Variants in MGLL observed in about 807,000 individuals in gnomAD.
The protein encoded by MGLL is lysophospholipase homolog.
In MGLL, 7 loss-of-function variants were observed where a neutral mutation model predicts 29.1. That is an observed-to-expected ratio of 0.24 (90% CI 0.14 to 0.45). The LOEUF (loss-of-function observed/expected upper bound fraction) is 0.45, where lower values mean the gene tolerates loss of function less well. Ranked by LOEUF, MGLL falls within the 20% of genes least tolerant of loss-of-function variation. The probability of loss-of-function intolerance (pLI) is 0.99; values close to 1 mark genes in which losing one functional copy is unlikely to be tolerated. For synonymous variants in MGLL, 148 were observed against 168.3 expected (o/e 0.88, Z 0.93); for missense variants, 356 against 413.6 (o/e 0.86, Z 1.21).
chr3:127,788,710 A>G (rs544708116), intron 2 of MGLL, among the ~76,000 whole-genome samples: 1 of 152,050 alleles, frequency 6.6e-6, no homozygotes, highest in African/African-American at 2.4e-5. Context: ...AGGTAGGCGC[A>G]CCCTCCTGGG....
At chr3:127,718,368 C>G (rs1379415994) in intron 5 of MGLL, among the ~76,000 whole-genome samples, 1 of 152,158 alleles carries the variant, frequency 6.6e-6, no homozygotes, top group African/African-American at 2.4e-5. Context: ...CAGGGAAGCC[C>G]CTCAGCCCCA....
In MGLL at chr3:127,689,902, A is replaced by G. The variant is rs2075213252; in HGVS notation, c.*2296T>C. 6.6e-6 allele frequency: 1 copy of G among 152,132 alleles called. No individual in the cohort carries two copies. Among genetic ancestry groups the G allele is most frequent in the Admixed American group, 6.6e-5 (1 of 15,266 alleles). The allele number at this position is 152,132 out of a possible 1,614,324, so 9.4% of individuals were successfully genotyped here. ...ATAACATGACAGTCCCAATTTCAGG[A>G]AAGTTTTTATTTTAAATATTGGTGA... On this transcript the variant is annotated 3_prime_UTR_variant, in exon 8 of 8. Transcript: ENST00000265052.
chr3:127,738,347 A>ATGG (rs1003364020), intron 3 of MGLL, among the ~76,000 whole-genome samples: 18 of 152,058 alleles, frequency 1.2e-4, no homozygotes, highest in South Asian at 4.2e-4. Context: ...GAAGCAGGAA[A>ATGG]TGGTAACCTA....
intron 3 of MGLL, among the ~76,000 whole-genome samples, chr3:127,767,953 G>T (rs535746104): frequency 6.6e-6 from 1 of 152,054 alleles, no homozygotes; most frequent in African/African-American, 2.4e-5. Context: ...CAATACCTTC[G>T]TTTCATAGAT....
intron 3 of MGLL, among the ~76,000 whole-genome samples, chr3:127,739,669 C>T (rs916251496): frequency 6.6e-5 from 10 of 152,196 alleles, no homozygotes; most frequent in Admixed American, 6.5e-4. Flanking sequence ...TACTGCAAAC[C>T]GGCCATGCTG....
At chr3:127,702,430 C>G (rs773549994) in intron 6 of MGLL, among the ~76,000 whole-genome samples, 2 of 152,232 alleles carry the variant, frequency 1.3e-5, no homozygotes, top group Non-Finnish European at 1.5e-5. Context: ...GTGACCTTAC[C>G]CTGCCTTGGG....
At chr3:127,804,675 C>A (rs1252840408) in intron 2 of MGLL, among the ~76,000 whole-genome samples, 1 of 152,132 alleles carries the variant, frequency 6.6e-6, no homozygotes, top group East Asian at 1.9e-4. Flanking sequence ...AAACACAGAG[C>A]CAGTTTTATT....
intron 3 of MGLL, among the ~76,000 whole-genome samples, chr3:127,771,776 A>G (rs899677518): frequency 6.6e-6 from 1 of 152,224 alleles, no homozygotes; most frequent in Non-Finnish European, 1.5e-5. Flanking sequence ...CTCAAGGGGC[A>G]TTTGAAAATT....
Position 127,822,384 on chromosome 3 carries a change from T to C in MGLL, c.-66A>G, listed in dbSNP as rs1170158584. 3 of 1,578,014 alleles carry C rather than the reference T, an allele frequency of 1.9e-6. No individual in the cohort carries two copies. The highest frequency in any genetic ancestry group is 2.6e-6 in the Non-Finnish European group (3 of 1,147,478). Reference sequence around the variant, plus strand: ...AGAATCAGAACCAGGCAAATCGGGCTGTTCCCTCATCTGGGCGGCCCCAAG... The same window carrying C: ...AGAATCAGAACCAGGCAAATCGGGCCGTTCCCTCATCTGGGCGGCCCCAAG... On this transcript the variant is annotated 5_prime_UTR_variant, in exon 1 of 8. Coordinates refer to ENST00000265052, the MANE Select transcript of MGLL (RefSeq NM_007283.7).
intron 6 of MGLL, among the ~76,000 whole-genome samples, chr3:127,701,086 A>G (rs59953950): frequency 0.14 from 21,522 of 151,664 alleles, 1,867 homozygotes; most frequent in East Asian, 0.28. Context: ...ATAGTGGTGC[A>G]CACCTGTAGT....
rs774965066 is a variant in MGLL, at chr3:127,737,630, C to CTTTTTTTTTTTTTTTTTTTTTTTTTT, written c.263-15090_263-15065dup. On this transcript the variant is annotated intron_variant, in intron 3 of 7. Transcript: ENST00000265052. ...GACACAGTGAAATCATCAACTGCTT[C>CTTTTTTTTTTTTTTTTTTTTTTTTTT]TTTTTTTTTTTTTTTTTTTTTTTTT... Among the ~76,000 whole-genome samples the CTTTTTTTTTTTTTTTTTTTTTTTTTT allele has an allele frequency of 2.2e-4, 15 of 68,610 alleles. 3 individuals carry two copies. Among genetic ancestry groups the CTTTTTTTTTTTTTTTTTTTTTTTTTT allele is most frequent in the African/African-American group, 8.8e-4 (12 of 13,580 alleles). The allele number at this position is 68,610 out of a possible 152,430, so 45.0% of individuals were successfully genotyped here.
chr3:127,704,020 CACAA>C (rs1193822785), intron 6 of MGLL, among the ~76,000 whole-genome samples: 7 of 152,168 alleles, frequency 4.6e-5, no homozygotes, highest in African/African-American at 1.4e-4. Flanking sequence ...GGCACTGGTA[CACAA>C]ACAGACATAT....
chr3:127,768,938 T>C (rs72626393), intron 3 of MGLL, among the ~76,000 whole-genome samples: 19,093 of 152,252 alleles, frequency 0.13, 1,224 homozygotes, highest in Middle Eastern at 0.17. Flanking sequence ...GCTCCTGCTG[T>C]TGCTGGTTTG....
At chr3:127,781,376 G>A (rs752401097) in intron 3 of MGLL, among the ~76,000 whole-genome samples, 1 of 152,100 alleles carries the variant, frequency 6.6e-6, no homozygotes, top group East Asian at 1.9e-4. Flanking sequence ...CTATTCTCCT[G>A]GTCTGAAATG....
chr3:127,696,660 C>G (rs58832129), intron 6 of MGLL, among the ~76,000 whole-genome samples: 1 of 151,656 alleles, frequency 6.6e-6, no homozygotes, highest in Non-Finnish European at 1.5e-5. Flanking sequence ...GTGATCCACC[C>G]GCCTCGGCCT....
At chr3:127,748,750 G>A (rs1413312201) in intron 3 of MGLL, among the ~76,000 whole-genome samples, 1 of 152,106 alleles carries the variant, frequency 6.6e-6, no homozygotes, top group Non-Finnish European at 1.5e-5. Context: ...CCCTGCTGTT[G>A]AAGCTCCCCA....
At chr3:127,814,000 CTCCTTCCTTCCTTCCTTCTTTCCT>C (rs2077709351) in intron 2 of MGLL, among the ~76,000 whole-genome samples, 1 of 151,560 alleles carries the variant, frequency 6.6e-6, no homozygotes, top group African/African-American at 2.4e-5. Context: ...TCTTCTCTCC[CTCCTTCCTTCCTTCCTTCTTTCCT>C]TCCTTCCTTT....
At chr3:127,702,979 G>A (rs2075526143) in intron 6 of MGLL, among the ~76,000 whole-genome samples, 1 of 152,186 alleles carries the variant, frequency 6.6e-6, no homozygotes, top group African/African-American at 2.4e-5. Flanking sequence ...ACAGGCATGA[G>A]CCACCGCGTC....
chr3:127,692,093 G>GTTT lies in MGLL; in HGVS notation c.*104_*105insAAA. On this transcript the variant is annotated 3_prime_UTR_variant, in exon 8 of 8. Coordinates refer to ENST00000265052, the MANE Select transcript of MGLL (RefSeq NM_007283.7). ...TGTGCTAAGGATTTCTCCAATTTCT[G>GTTT]ATTTTTTTTTTTTTTTTTTTTTGGC... The GTTT allele has an allele frequency of 6.3e-6, 7 of 1,107,420 alleles. No homozygotes were observed. Among genetic ancestry groups the GTTT allele is most frequent in the East Asian group, 2.8e-5 (1 of 36,162 alleles). The allele number at this position is 1,107,420 out of a possible 1,614,324, so 68.6% of individuals were successfully genotyped here.
Sources: gnomAD v4.1 joint callset for allele counts (sites outside exome capture counted in the v4.1 genomes callset) on GRCh38, gnomAD v4.1.1 for gene constraint, MANE v1.5 for transcripts, NCBI Gene and HGNC (gene_info 2026-07-23, HGNC 2026-07-21) for gene names.